Variants in DLGAP2 observed in about 807,000 individuals in gnomAD.
DLGAP2 encodes DLG associated protein 2, also known as disks large-associated protein 2.
Under a neutral mutation model 100.3 loss-of-function variants are expected in DLGAP2, and 26 were observed. The observed-to-expected ratio is 0.26, with a 90% CI of 0.19 to 0.36. The LOEUF (loss-of-function observed/expected upper bound fraction) is 0.36, where lower values mean the gene tolerates loss of function less well. Ranked by LOEUF, DLGAP2 falls within the 10% of genes least tolerant of loss-of-function variation. DLGAP2 has a pLI of 1.00. For synonymous variants in DLGAP2, 886 were observed against 630.1 expected (o/e 1.41, Z -6.08); for missense variants, 1,858 against 1,453.2 (o/e 1.28, Z -4.53).
intron 3 of DLGAP2, among the ~76,000 whole-genome samples, chr8:1,483,358 T>C (rs1161986215): frequency 2.0e-5 from 3 of 152,136 alleles, no homozygotes; most frequent in African/African-American, 7.2e-5. Context: ...GGCCGCGGTG[T>C]GTTTCCAGAG....
intron 2 of DLGAP2, among the ~76,000 whole-genome samples, chr8:1,135,990 T>C (rs1170497229): frequency 6.6e-6 from 1 of 152,186 alleles, no homozygotes; most frequent in Admixed American, 6.5e-5. Context: ...ATGAGCCAGA[T>C]CCTCCAAAAA....
intron 12 of DLGAP2, among the ~76,000 whole-genome samples, chr8:1,685,002 A>T (rs1799078085): frequency 6.6e-6 from 1 of 152,090 alleles, no homozygotes; most frequent in Non-Finnish European, 1.5e-5. Context: ...GCAAACACTA[A>T]TGCTGGGAGG....
chr8:1,483,294 C>T (rs1033768103), intron 3 of DLGAP2, among the ~76,000 whole-genome samples: 1 of 152,154 alleles, frequency 6.6e-6, no homozygotes, highest in Non-Finnish European at 1.5e-5. Context: ...TAGACTCTGC[C>T]CCACGCGTGA....
chr8:962,116 C>T (rs894934496), intron 2 of DLGAP2, among the ~76,000 whole-genome samples: 6 of 152,146 alleles, frequency 3.9e-5, no homozygotes, highest in Admixed American at 3.3e-4. Flanking sequence ...TTATCATAGT[C>T]GTCATCATAC....
chr8:1,512,329 T>G (rs1201483789), intron 4 of DLGAP2, among the ~76,000 whole-genome samples: 1 of 152,206 alleles, frequency 6.6e-6, no homozygotes, highest in East Asian at 1.9e-4. Flanking sequence ...TGATCAAAGT[T>G]GTTTATTTCA....
chr8:1,522,735 C>T (rs2130424823), intron 4 of DLGAP2, among the ~76,000 whole-genome samples: 1 of 152,272 alleles, frequency 6.6e-6, no homozygotes. Context: ...CAGTGACCTG[C>T]TGTGTAAACT....
chr8:1,364,974 C>T (rs1408026165), intron 3 of DLGAP2, among the ~76,000 whole-genome samples: 1 of 152,208 alleles, frequency 6.6e-6, no homozygotes, highest in Non-Finnish European at 1.5e-5. Context: ...CCACTCCCTC[C>T]ATGCCTGTGT....
At chr8:983,337 C>T (rs1469318639) in intron 2 of DLGAP2, among the ~76,000 whole-genome samples, 4 of 149,144 alleles carry the variant, frequency 2.7e-5, no homozygotes, top group Non-Finnish European at 4.5e-5. Flanking sequence ...AGGTACAGGT[C>T]GTCGAGATGT....
intron 1 of DLGAP2, among the ~76,000 whole-genome samples, chr8:837,873 C>A (rs1002496399): frequency 6.7e-6 from 1 of 148,714 alleles, no homozygotes; most frequent in African/African-American, 2.5e-5. Context: ...TGCATCACCA[C>A]GCCCGGCTAG....
At chr8:827,812 A>G (rs1330383614) in intron 1 of DLGAP2, among the ~76,000 whole-genome samples, 2 of 152,222 alleles carry the variant, frequency 1.3e-5, no homozygotes, top group Admixed American at 1.3e-4. Flanking sequence ...CACATTTATT[A>G]TCGGGGGACC....
intron 3 of DLGAP2, among the ~76,000 whole-genome samples, chr8:1,264,343 G>A (rs1161629202): frequency 3.3e-5 from 5 of 152,172 alleles, no homozygotes; most frequent in African/African-American, 7.2e-5. Flanking sequence ...CTGTAATTGA[G>A]CCCCTTGAAT....
intron 3 of DLGAP2, among the ~76,000 whole-genome samples, chr8:1,331,514 C>G (rs757306955): frequency 6.6e-6 from 1 of 152,186 alleles, no homozygotes; most frequent in Admixed American, 6.5e-5. Flanking sequence ...TTTAGGGACA[C>G]GGATCTGGGC....
intron 2 of DLGAP2, among the ~76,000 whole-genome samples, chr8:1,132,210 G>T (rs1796309134): frequency 6.6e-6 from 1 of 152,188 alleles, no homozygotes; most frequent in Non-Finnish European, 1.5e-5. Context: ...AGAAAGCCAT[G>T]TTTTTGATGA....
chr8:1,100,778 G>A (rs1804552964), intron 2 of DLGAP2, among the ~76,000 whole-genome samples: 1 of 152,202 alleles, frequency 6.6e-6, no homozygotes, highest in Admixed American at 6.5e-5. Flanking sequence ...GTAAGAAGGA[G>A]GGGCTGCTGA....
At chr8:789,492 G>A (rs2132637317) in intron 1 of DLGAP2, among the ~76,000 whole-genome samples, 1 of 152,314 alleles carries the variant, frequency 6.6e-6, no homozygotes, top group South Asian at 2.1e-4. Flanking sequence ...TTCCGACACT[G>A]GGGATCACAA....
chr8:1,389,093 G>T (rs904536765), intron 3 of DLGAP2, among the ~76,000 whole-genome samples: 7 of 152,130 alleles, frequency 4.6e-5, no homozygotes, highest in African/African-American at 1.7e-4. Context: ...TGGTTCAGGT[G>T]TCAGGGCTGT....
chr8:1,683,450 C>T (rs1270290687), intron 12 of DLGAP2, among the ~76,000 whole-genome samples: 1 of 151,468 alleles, frequency 6.6e-6, no homozygotes, highest in Non-Finnish European at 1.5e-5. Context: ...CTCACAGAGC[C>T]TTCTGTGGCC....
chr8:1,600,064 C>A (rs948293055), intron 6 of DLGAP2, among the ~76,000 whole-genome samples: 1 of 152,152 alleles, frequency 6.6e-6, no homozygotes, highest in South Asian at 2.1e-4. Flanking sequence ...TAAGGCAGGC[C>A]TGGTGGTGAT....
At chr8:971,961 T>C (rs1240469592) in intron 2 of DLGAP2, among the ~76,000 whole-genome samples, 5 of 152,112 alleles carry the variant, frequency 3.3e-5, no homozygotes, top group Admixed American at 3.3e-4. Context: ...CTCTTTTCCT[T>C]CAACACCTTT....
Sources: allele counts gnomAD v4.1 joint callset (sites outside exome capture counted in the v4.1 genomes callset), GRCh38; gene constraint gnomAD v4.1.1; transcripts MANE v1.5; gene names NCBI Gene and HGNC (gene_info 2026-07-23, HGNC 2026-07-21).